The following KIFC3 variants were observed in gnomAD, a reference collection of about 807,000 sequenced individuals.
The protein encoded by KIFC3 is kinesin family member C3.
KIFC3 carries 60 observed loss-of-function variants against 101.8 expected under a neutral mutation model. The ratio of observed to expected loss-of-function variants is 0.59; its 90% CI spans 0.48 to 0.73. The LOEUF (loss-of-function observed/expected upper bound fraction) is 0.73. KIFC3 is among the 30% of genes least tolerant of loss of function. The probability of loss-of-function intolerance (pLI) is 0.00; values close to 1 mark genes in which losing one functional copy is unlikely to be tolerated. For synonymous variants in KIFC3, 476 were observed against 482.7 expected (o/e 0.99, Z 0.18); for missense variants, 966 against 1,137.1 (o/e 0.85, Z 2.16).
intron 1 of KIFC3, among the ~76,000 whole-genome samples, chr16:57,851,167 C>T (rs778187654): frequency 6.6e-5 from 10 of 152,100 alleles, no homozygotes; most frequent in Non-Finnish European, 1.5e-4. Context: ...TGTGTCACCA[C>T]ACCCGGCTAA....
At position 57,770,617 on chromosome 16, in the gene KIFC3, C is replaced by A. The variant is rs372088195; in HGVS notation, c.849G>T (p.Gln283His). The change falls in exon 7 of 20, where the codon CAG becomes CAT. Residue 283 changes from glutamine (Q) to histidine (H), a missense_variant. Physicochemically the swap from Gln to His is conservative, Grantham distance 24. Transcript: ENST00000445690. ...SESQARNQHL[Q>H]EQVAMQRQVL... ...CCTGCCTCTGCATAGCCACCTGCTC[C>A]TGCAGGTGCTGGTTCCGGGCCTGGG... The A allele has an allele frequency of 6.5e-7, 1 of 1,547,254 alleles. No homozygotes were observed. The highest frequency in any genetic ancestry group is 2.4e-5 in the East Asian group (1 of 41,178).
chr16:57,758,832 GCAGGGA>G lies in KIFC3; in HGVS notation c.*96_*101del, dbSNP rs1555591917. On this transcript the variant is annotated 3_prime_UTR_variant, in exon 20 of 20. Transcript: ENST00000445690. ...TACCTCCGGGGGTCCTGGCGCTGCA[GCAGGGA>G]CAGGCCAGTGAGGGCCCAGCTTCAG... 5.0e-6 allele frequency: 8 copies of G among 1,604,452 alleles called. No individual in the cohort carries two copies. Among genetic ancestry groups the G allele is most frequent in the Non-Finnish European group, 6.8e-6 (8 of 1,173,998 alleles).
upstream of KIFC3, among the ~76,000 whole-genome samples, chr16:57,806,017 G>A (rs2054928403): frequency 3.3e-5 from 5 of 152,272 alleles, no homozygotes; most frequent in South Asian, 1.0e-3. Flanking sequence ...GGGATTACAA[G>A]CATGAGCCAC....
intron 3 of KIFC3, chr16:57,776,093 C>G: frequency 1.0e-6 from 1 of 985,510 alleles, no homozygotes. Context: ...CGGCCTCTTA[C>G]CATCACAGAA....
In KIFC3 at chr16:57,761,151, A is replaced by G; in HGVS notation, c.1893T>C (p.Thr631=). Reference sequence around the variant, plus strand: ...GGTTGGTGAACTCGGTCGTGCGATTAGTGTGGCCAAACTCAAACACCTGGG... The same window carrying G: ...GGTTGGTGAACTCGGTCGTGCGATTGGTGTGGCCAAACTCAAACACCTGGG... ...DINKVFEFGH[T]NRTTEFTNLN... is the part of the protein sequence containing the mutation. The change falls in exon 15 of 20, where the codon ACT becomes ACC. Residue 631 remains threonine, a synonymous_variant. Coordinates refer to ENST00000445690, the MANE Select transcript of KIFC3 (RefSeq NM_001130100.2). 1 of 1,613,950 alleles carries G rather than the reference A, an allele frequency of 6.2e-7. No homozygotes were observed. Among genetic ancestry groups the G allele is most frequent in the Non-Finnish European group, 8.5e-7 (1 of 1,179,964 alleles).
chr16:57,768,426 T>A (rs1350526909), intron 9 of KIFC3, among the ~76,000 whole-genome samples: 2 of 152,094 alleles, frequency 1.3e-5, no homozygotes, highest in Admixed American at 1.3e-4. Flanking sequence ...TACTGTTAAT[T>A]TTTTTCAACT....
At position 57,772,210 on chromosome 16, in the gene KIFC3, CT is replaced by C. The variant is rs1555609210; in HGVS notation, c.381+12del. ...AGGCCCTGCGCTACCCCAGGACAGC[CT>C]TGTGGCCTCACCAGCTCAGATCGCA... On this transcript the variant is annotated intron_variant, in intron 4 of 19. Coordinates refer to ENST00000445690, the MANE Select transcript of KIFC3 (RefSeq NM_001130100.2). 1.1e-5 allele frequency: 17 copies of C among 1,612,534 alleles called. No individual in the cohort carries two copies. Among genetic ancestry groups the C allele is most frequent in the Non-Finnish European group, 1.4e-5 (17 of 1,179,436 alleles).
intron 7 of KIFC3, 136 bp downstream of exon 7, chr16:57,770,391 G>A (rs1401913578): frequency 2.6e-6 from 2 of 766,942 alleles, no homozygotes; most frequent in African/African-American, 3.6e-5. Flanking sequence ...AACTTGCCCT[G>A]GGTCCCGTGG....
At chr16:57,825,270 TC>T (rs1200295282) in intron 1 of KIFC3, among the ~76,000 whole-genome samples, 1 of 152,198 alleles carries the variant, frequency 6.6e-6, no homozygotes, top group Non-Finnish European at 1.5e-5. Context: ...CTGGCCAGGC[TC>T]CTTCTCTTTG....
rs782006510 is a variant in KIFC3 at position 57,759,711 on chromosome 16, T to C, written c.2476+17A>G. The C allele has an allele frequency of 4.4e-6, 7 of 1,592,008 alleles. No homozygotes were observed. The highest frequency in any genetic ancestry group is 6.0e-6 in the Non-Finnish European group (7 of 1,166,756). ...CCCTGGGGAGACTCCCCACCCACAC[T>C]GCCACTCCAGGCTCACCCGAGGGCT... On this transcript the variant is annotated intron_variant, in intron 18 of 19. Coordinates refer to ENST00000445690, the MANE Select transcript of KIFC3 (RefSeq NM_001130100.2).
upstream of KIFC3, among the ~76,000 whole-genome samples, chr16:57,804,942 T>C (rs2054900147): frequency 6.7e-6 from 1 of 150,106 alleles, no homozygotes; most frequent in Non-Finnish European, 1.5e-5. Flanking sequence ...GCTCGCTCTG[T>C]CACCCAAGCT....
intron 1 of KIFC3, among the ~76,000 whole-genome samples, chr16:57,822,794 A>G (rs2055379606): frequency 6.6e-6 from 1 of 152,254 alleles, no homozygotes; most frequent in Non-Finnish European, 1.5e-5. Flanking sequence ...ATTGAAGGCA[A>G]CACAGAGCTT....
chr16:57,783,412 C>T (rs1431389355), intron 3 of KIFC3, among the ~76,000 whole-genome samples: 1 of 151,934 alleles, frequency 6.6e-6, no homozygotes, highest in African/African-American at 2.4e-5. Flanking sequence ...GAATTGTACA[C>T]CTTCAAGGGG....
chr16:57,854,082 C>G (rs2056113835), intron 1 of KIFC3, among the ~76,000 whole-genome samples: 2 of 152,048 alleles, frequency 1.3e-5, no homozygotes. Context: ...GCTGAGACCA[C>G]AGGTGCACAC....
At chr16:57,822,293 G>A (rs1200163931) in intron 1 of KIFC3, among the ~76,000 whole-genome samples, 6 of 152,178 alleles carry the variant, frequency 3.9e-5, no homozygotes, top group African/African-American at 1.4e-4. Flanking sequence ...TTGTTGAAGA[G>A]ATGAATGAGA....
chr16:57,762,356 C>T (rs962314102), intron 12 of KIFC3, 86 bp from the exon 13 acceptor site: 81 of 1,343,734 alleles, frequency 6.0e-5, no homozygotes, highest in Non-Finnish European at 7.8e-6. Flanking sequence ...CCCTTGACTA[C>T]CCCTCACAAG....
chr16:57,765,978 A>G (rs2050436091), intron 10 of KIFC3: 1 of 233,518 alleles, frequency 4.3e-6, no homozygotes. Context: ...CAGTTTCTTC[A>G]TCCAGACAAT....
intron 11 of KIFC3, among the ~76,000 whole-genome samples, 164 bp downstream of exon 11, chr16:57,765,295 C>A (rs2050359486): frequency 6.6e-6 from 1 of 152,132 alleles, no homozygotes; most frequent in Admixed American, 6.5e-5. Flanking sequence ...TAACTTCCCA[C>A]CCTCTTCTGT....
At chr16:57,828,877 T>C (rs909279586) in intron 1 of KIFC3, among the ~76,000 whole-genome samples, 4 of 152,028 alleles carry the variant, frequency 2.6e-5, no homozygotes, top group Admixed American at 6.6e-5. Flanking sequence ...CCTAACTAGA[T>C]ACTAACAGCC....
Sources: gnomAD v4.1 joint callset for allele counts (sites outside exome capture counted in the v4.1 genomes callset) on GRCh38, gnomAD v4.1.1 for gene constraint, MANE v1.5 for transcripts, NCBI Gene and HGNC (gene_info 2026-07-23, HGNC 2026-07-21) for gene names.